ATG10: variants seen among roughly 807,000 people sequenced by gnomAD.
The protein encoded by ATG10 is ubiquitin-like-conjugating enzyme ATG10.
In ATG10, 30 loss-of-function variants were observed where a neutral mutation model predicts 32.1. The ratio of observed to expected loss-of-function variants is 0.94; its 90% CI spans 0.70 to 1.27. ATG10 has a LOEUF of 1.27. ATG10 is among the 50% of genes most tolerant of loss of function. The pLI is 0.00. For missense variants in ATG10, 233 were observed against 262.3 expected, an observed-to-expected ratio of 0.89 and a Z score of 0.77; for synonymous variants, 87 against 91.5, an observed-to-expected ratio of 0.95 and a Z score of 0.28.
intron 1 of ATG10, among the ~76,000 whole-genome samples, chr5:81,977,443 C>T (rs1208724541): frequency 6.6e-6 from 1 of 152,162 alleles, no homozygotes; most frequent in Non-Finnish European, 1.5e-5. Flanking sequence ...ATGGCAATGG[C>T]AAACTCTAAC....
At chr5:82,187,731 G>T (rs1744508948) in intron 5 of ATG10, among the ~76,000 whole-genome samples, 1 of 151,496 alleles carries the variant, frequency 6.6e-6, no homozygotes, top group Admixed American at 6.6e-5. Context: ...GAGATTGCAG[G>T]CGCCCGCCAC....
intron 5 of ATG10, among the ~76,000 whole-genome samples, chr5:82,222,045 C>G (rs1022756593): frequency 1.3e-4 from 20 of 152,146 alleles, no homozygotes; most frequent in African/African-American, 4.6e-4. Flanking sequence ...GTTAAAGAAA[C>G]AGAAGTTAGA....
At chr5:82,250,034 T>G (rs1454981167) in intron 5 of ATG10, among the ~76,000 whole-genome samples, 1 of 152,226 alleles carries the variant, frequency 6.6e-6, no homozygotes, top group Non-Finnish European at 1.5e-5. Context: ...AAAGTCAACA[T>G]GTACTTTACA....
chr5:82,195,597 G>A (rs1744822809), intron 5 of ATG10, among the ~76,000 whole-genome samples: 1 of 152,152 alleles, frequency 6.6e-6, no homozygotes, highest in Non-Finnish European at 1.5e-5. Flanking sequence ...CTATAGAGTT[G>A]CTTATTCTGG....
At chr5:82,081,940 T>A (rs551740420) in intron 3 of ATG10, among the ~76,000 whole-genome samples, 26 of 152,316 alleles carry the variant, frequency 1.7e-4, no homozygotes, top group Middle Eastern at 3.4e-3. Flanking sequence ...ATGGTACCAG[T>A]TCCTCCTTGT....
intron 3 of ATG10, among the ~76,000 whole-genome samples, chr5:82,076,477 A>G (rs1764275888): frequency 6.6e-6 from 1 of 152,206 alleles, no homozygotes; most frequent in Non-Finnish European, 1.5e-5. Flanking sequence ...ATAGGAGAAT[A>G]CAGAAATCCT....
intron 1 of ATG10, among the ~76,000 whole-genome samples, chr5:81,983,912 G>C (rs545591501): frequency 6.6e-6 from 1 of 151,606 alleles, no homozygotes; most frequent in African/African-American, 2.4e-5. Flanking sequence ...ATGGGCGGCC[G>C]GGCAGAGACA....
At chr5:82,252,254 C>T (rs1476648549) in intron 5 of ATG10, among the ~76,000 whole-genome samples, 1 of 152,104 alleles carries the variant, frequency 6.6e-6, no homozygotes, top group Non-Finnish European at 1.5e-5. Context: ...TAATGATAGG[C>T]CAAAGAGAAA....
intron 3 of ATG10, among the ~76,000 whole-genome samples, chr5:82,100,509 C>T (rs1177514979): frequency 2.0e-5 from 3 of 151,982 alleles, no homozygotes; most frequent in Non-Finnish European, 4.4e-5. Context: ...AGTAGTTGGC[C>T]CCTGAATTCT....
At chr5:82,002,049 A>G (rs947824373) in intron 2 of ATG10, among the ~76,000 whole-genome samples, 6 of 152,228 alleles carry the variant, frequency 3.9e-5, no homozygotes, top group East Asian at 1.9e-4. Flanking sequence ...ACTCAACATC[A>G]CTAATCATTA....
chr5:82,206,886 A>G (rs1268906996), intron 5 of ATG10, among the ~76,000 whole-genome samples: 1 of 152,180 alleles, frequency 6.6e-6, no homozygotes, highest in Non-Finnish European at 1.5e-5. Context: ...ATGAAATCAT[A>G]TTCTATACAT....
chr5:82,159,554 T>A (rs1462387044), intron 3 of ATG10, among the ~76,000 whole-genome samples: 1 of 152,140 alleles, frequency 6.6e-6, no homozygotes, highest in African/African-American at 2.4e-5. Flanking sequence ...CTTTTTTATC[T>A]TAATTTTTTA....
intron 3 of ATG10, among the ~76,000 whole-genome samples, chr5:82,159,623 G>A (rs1743224914): frequency 6.6e-6 from 1 of 151,586 alleles, no homozygotes. Flanking sequence ...AACACCCAGG[G>A]ACCCATCTAA....
chr5:82,183,125 A>C (rs965996630), intron 5 of ATG10, among the ~76,000 whole-genome samples: 54 of 152,326 alleles, frequency 3.5e-4, no homozygotes, highest in African/African-American at 1.2e-3. Context: ...GGACTCAAAA[A>C]AAACATAACC....
At chr5:82,202,799 A>C (rs901120581) in intron 5 of ATG10, among the ~76,000 whole-genome samples, 1 of 152,258 alleles carries the variant, frequency 6.6e-6, no homozygotes, top group Non-Finnish European at 1.5e-5. Context: ...CCTTCAGGCC[A>C]TACTGTTCCC....
At chr5:82,116,438 T>G (rs749467372) in intron 3 of ATG10, among the ~76,000 whole-genome samples, 3 of 152,098 alleles carry the variant, frequency 2.0e-5, no homozygotes, top group Non-Finnish European at 4.4e-5. Flanking sequence ...TATTTACACT[T>G]AAGTTTCTAG....
intron 3 of ATG10, among the ~76,000 whole-genome samples, chr5:82,125,371 T>A (rs1581713685): frequency 6.6e-6 from 1 of 152,358 alleles, no homozygotes; most frequent in East Asian, 1.9e-4. Context: ...CATGCCTAAG[T>A]CCTGAATAGT....
At chr5:82,014,719 G>A (rs1016275145) in intron 2 of ATG10, among the ~76,000 whole-genome samples, 1 of 152,104 alleles carries the variant, frequency 6.6e-6, no homozygotes, top group African/African-American at 2.4e-5. Context: ...GAGCCTATGT[G>A]TGTCTCTGCA....
intron 3 of ATG10, among the ~76,000 whole-genome samples, chr5:82,079,770 A>G (rs1194183493): frequency 1.3e-5 from 2 of 152,098 alleles, no homozygotes; most frequent in South Asian, 2.1e-4. Context: ...TATCACTGAT[A>G]GACATTTGGG....
Sources: gnomAD v4.1 joint callset for allele counts (sites outside exome capture counted in the v4.1 genomes callset) on GRCh38, gnomAD v4.1.1 for gene constraint, MANE v1.5 for transcripts, NCBI Gene and HGNC (gene_info 2026-07-23, HGNC 2026-07-21) for gene names.